PRKN: variants seen among roughly 807,000 people sequenced by gnomAD.
The protein encoded by PRKN is parkin RBR E3 ubiquitin protein ligase.
PRKN carries 56 observed loss-of-function variants against 59.5 expected under a neutral mutation model. That is an observed-to-expected ratio of 0.94 (90% confidence interval 0.76 to 1.18). The LOEUF is 1.18. Among genes scored for constraint, PRKN ranks in the 50% most tolerant of loss-of-function variants. PRKN has a pLI of 0.00. For synonymous variants in PRKN, 250 were observed against 222.1 expected, an observed-to-expected ratio of 1.13 and a Z score of -1.12; for missense variants, 657 against 596.4, an observed-to-expected ratio of 1.10 and a Z score of -1.06.
intron 1 of PRKN, among the ~76,000 whole-genome samples, chr6:162,503,755 G>A (rs949433156): frequency 6.6e-6 from 1 of 152,076 alleles, no homozygotes; most frequent in Non-Finnish European, 1.5e-5. Flanking sequence ...AGCTGAACTC[G>A]GAGGATCCGA....
At chr6:162,520,503 CAT>C (rs1778042035) in intron 1 of PRKN, among the ~76,000 whole-genome samples, 1 of 152,172 alleles carries the variant, frequency 6.6e-6, no homozygotes, top group African/African-American at 2.4e-5. Flanking sequence ...CTTGGTCACT[CAT>C]AATCATTTAG....
intron 4 of PRKN, among the ~76,000 whole-genome samples, chr6:162,073,978 A>G (rs1204800558): frequency 6.6e-6 from 1 of 151,764 alleles, no homozygotes; most frequent in Non-Finnish European, 1.5e-5. Context: ...AAGTCAGGAA[A>G]CAACAGGTGC....
chr6:161,818,201 A>T (rs1791869785), intron 6 of PRKN, among the ~76,000 whole-genome samples: 1 of 152,192 alleles, frequency 6.6e-6, no homozygotes, highest in African/African-American at 2.4e-5. Flanking sequence ...TACCAAAGAC[A>T]CATAGGTGGA....
chr6:162,471,489 T>C (rs1229209634), intron 1 of PRKN, among the ~76,000 whole-genome samples: 3 of 152,226 alleles, frequency 2.0e-5, no homozygotes, highest in African/African-American at 2.4e-5. Context: ...TCCCGCTATA[T>C]GTTCTCCTTT....
At chr6:161,981,057 A>T (rs1781241384) in intron 5 of PRKN, among the ~76,000 whole-genome samples, 1 of 152,250 alleles carries the variant, frequency 6.6e-6, no homozygotes. Context: ...TTAACAGGAT[A>T]CAGGGCTGTG....
In PRKN at chr6:161,450,012, C is replaced by T. The variant is rs78759601; in HGVS notation, c.1084-63135G>A. Among the ~76,000 whole-genome samples, 67 of 152,306 alleles carry T rather than the reference C, an allele frequency of 4.4e-4. No individual in the cohort carries two copies. In the East Asian group the frequency reaches 0.012, roughly 28 times the overall value. On this transcript the variant is annotated intron_variant, in intron 9 of 11. Coordinates refer to ENST00000366898, the MANE Select transcript of PRKN (RefSeq NM_004562.3). ...TACAGCTGCCTCATAGCTTTGGCTC[C>T]CAAGAGGTAAGGTACAGGTAGTCTG...
chr6:162,529,679 C>A (rs1778429828), intron 1 of PRKN, among the ~76,000 whole-genome samples: 1 of 152,176 alleles, frequency 6.6e-6, no homozygotes, highest in Non-Finnish European at 1.5e-5. Context: ...CTACCCACCA[C>A]ACCCAGGGCT....
intron 6 of PRKN, among the ~76,000 whole-genome samples, chr6:161,953,249 C>A (rs1337226053): frequency 1.3e-5 from 2 of 151,964 alleles, no homozygotes; most frequent in Admixed American, 6.6e-5. Context: ...GTAGCTAGGA[C>A]CACAGGTGTG....
chr6:162,526,264 G>C (rs1012658138), intron 1 of PRKN, among the ~76,000 whole-genome samples: 1 of 79,772 alleles, frequency 1.3e-5, no homozygotes, highest in African/African-American at 7.5e-5. Flanking sequence ...CCTCCACAAG[G>C]CTAAGGGAAA....
chr6:161,422,550 CTT>C (rs1788151772), intron 9 of PRKN, among the ~76,000 whole-genome samples: 1 of 152,146 alleles, frequency 6.6e-6, no homozygotes, highest in South Asian at 2.1e-4. Context: ...TATCTCCTCT[CTT>C]TCTTTGACTA....
chr6:162,310,618 A>G (rs527592321), intron 2 of PRKN, among the ~76,000 whole-genome samples: 18 of 152,086 alleles, frequency 1.2e-4, no homozygotes, highest in Non-Finnish European at 2.5e-4. Context: ...GCGGGGAGGG[A>G]TAGCATTAGG....
intron 1 of PRKN, among the ~76,000 whole-genome samples, chr6:162,565,434 G>A (rs9458601): frequency 0.22 from 33,982 of 151,950 alleles, 4,571 homozygotes; most frequent in African/African-American, 0.37. Flanking sequence ...GTATAATCCC[G>A]GCACTTTGGA....
chr6:161,979,592 T>C (rs746021519), intron 5 of PRKN, among the ~76,000 whole-genome samples: 2 of 152,166 alleles, frequency 1.3e-5, no homozygotes, highest in Non-Finnish European at 2.9e-5. Flanking sequence ...ACTTCATTAG[T>C]ATTAAATGGA....
rs571991287 is a variant in PRKN, at chr6:161,361,592, G to A, written c.1168-1387C>T. The stretch of plus-strand genomic sequence containing the variant: ...ACCCCGTGAAATGGGCAGGGCACAT[G>A]GGTGGTATCCCTGACAGTGGTGGGG... On this transcript the variant is annotated intron_variant, in intron 10 of 11. Coordinates refer to ENST00000366898, the MANE Select transcript of PRKN (RefSeq NM_004562.3). This position sits in a 1 kb window ranked among gnomAD's most constrained non-coding sequence, Gnocchi z 5.2. 6.6e-6 allele frequency among the ~76,000 whole-genome samples: 1 copy of A among 152,336 alleles called. No individual in the cohort carries two copies. The highest frequency in any genetic ancestry group is 1.5e-5 in the Non-Finnish European group (1 of 68,038).
chr6:162,630,324 C>A (rs1241117900), intron 1 of PRKN, among the ~76,000 whole-genome samples: 4 of 152,132 alleles, frequency 2.6e-5, no homozygotes, highest in African/African-American at 9.6e-5. Context: ...CTGCACAGAT[C>A]TTCAGAAAAG....
At chr6:162,279,350 A>G (rs1446158209) in intron 2 of PRKN, among the ~76,000 whole-genome samples, 1 of 151,338 alleles carries the variant, frequency 6.6e-6, no homozygotes, top group Non-Finnish European at 1.5e-5. Flanking sequence ...CAAAAAAAAG[A>G]AAGAAAGAAA....
At position 161,378,028 on chromosome 6, in the gene PRKN, A is replaced by G. The variant is rs965789559; in HGVS notation, c.1167+8766T>C. Among the ~76,000 whole-genome samples, 6 of 152,142 alleles carry G rather than the reference A, an allele frequency of 3.9e-5. No individual in the cohort carries two copies. The highest frequency in any genetic ancestry group is 1.2e-4 in the African/African-American group (5 of 41,438). On this transcript the variant is annotated intron_variant, in intron 10 of 11. Coordinates refer to ENST00000366898, the MANE Select transcript of PRKN (RefSeq NM_004562.3). This position sits in a 1 kb window ranked among gnomAD's most constrained non-coding sequence, Gnocchi z 7.3. ...TGTGGAAAGGAAAGAGTCCTGAGTT[A>G]GGAAGAGATACAAGCTCCTAAGCAG...
chr6:162,373,543 T>C (rs1258491998), intron 2 of PRKN, among the ~76,000 whole-genome samples: 1 of 152,138 alleles, frequency 6.6e-6, no homozygotes, highest in East Asian at 1.9e-4. Context: ...ATGTGCAATA[T>C]TTTGACTGAG....
At chr6:162,063,600 A>G (rs1778197836) in intron 4 of PRKN, among the ~76,000 whole-genome samples, 1 of 137,396 alleles carries the variant, frequency 7.3e-6, no homozygotes, top group Non-Finnish European at 1.6e-5. Flanking sequence ...GCTGGAGTGC[A>G]GTGGTGCGAT....
Sources: allele counts gnomAD v4.1 joint callset (sites outside exome capture counted in the v4.1 genomes callset), GRCh38; gene constraint gnomAD v4.1.1; non-coding constraint Gnocchi (gnomAD v3.1); transcripts MANE v1.5; gene names NCBI Gene and HGNC (gene_info 2026-07-23, HGNC 2026-07-21).